The following CEACAM6 variants were observed in gnomAD, a reference collection of about 807,000 sequenced individuals.
CEACAM6 encodes cell adhesion molecule CEACAM6.
CEACAM6 carries 21 observed loss-of-function variants against 32.4 expected under a neutral mutation model. The observed-to-expected ratio is 0.65, with a 90% CI of 0.46 to 0.93. The LOEUF is 0.93. Among genes scored for constraint, CEACAM6 ranks in the 40% least tolerant of loss-of-function variants. The pLI is 0.00. For missense variants in CEACAM6, 406 were observed against 432.2 expected (o/e 0.94, Z 0.54); for synonymous variants, 184 against 174.4 (o/e 1.06, Z -0.43).
chr19:41,762,783 C>G (rs1198778151), intron 4 of CEACAM6, among the ~76,000 whole-genome samples: 4 of 152,208 alleles, frequency 2.6e-5, no homozygotes, highest in Admixed American at 2.6e-4. Flanking sequence ...GGAACCAGGG[C>G]ATATGGAGAA....
intron 2 of CEACAM6, 93 bp downstream of exon 2, chr19:41,757,052 C>G: frequency 6.5e-7 from 1 of 1,527,770 alleles, no homozygotes; most frequent in South Asian, 1.3e-5. Flanking sequence ...GTGGCCCTCT[C>G]TGCATTACAT....
rs1555821178 is a variant in CEACAM6 at position 41,756,817 on chromosome 19, A to G, written c.282A>G (p.Ala94=). 5.6e-6 allele frequency: 9 copies of G among 1,614,012 alleles called. No individual in the cohort carries two copies. The highest frequency in any genetic ancestry group is 6.8e-6 in the Non-Finnish European group (8 of 1,180,030). The part of the protein sequence containing the change: ...IGTQQATPGP[A]YSGRETIYPN... ...CTCAACAAGCTACCCCAGGGCCCGC[A>G]TACAGTGGTCGAGAGACAATATACC... Residue 94 remains alanine (A), a synonymous_variant, in exon 2 of 6, where the codon GCA becomes GCG. Coordinates refer to ENST00000199764, the MANE Select transcript of CEACAM6 (RefSeq NM_002483.7).
intron 2 of CEACAM6, 64 bp downstream of exon 2, chr19:41,757,023 T>G: frequency 1.3e-6 from 2 of 1,554,780 alleles, no homozygotes; most frequent in Non-Finnish European, 8.7e-7. Context: ...TACGGGATTG[T>G]CAGGCCTGGG....
chr19:41,764,583 C>T (rs541291587), intron 4 of CEACAM6, among the ~76,000 whole-genome samples: 19 of 152,290 alleles, frequency 1.2e-4, no homozygotes, highest in East Asian at 1.9e-4. Flanking sequence ...AGCCACCATG[C>T]CCCCATTTTC....
At chr19:41,769,282 T>C (rs1051951457) in intron 5 of CEACAM6, among the ~76,000 whole-genome samples, 1 of 152,192 alleles carries the variant, frequency 6.6e-6, no homozygotes, top group African/African-American at 2.4e-5. Context: ...TTAAAGCATT[T>C]GCAATCAGCT....
At chr19:41,761,623 A>C in intron 3 of CEACAM6, 96 bp downstream of exon 3, 2 of 1,564,714 alleles carry the variant, frequency 1.3e-6, no homozygotes, top group South Asian at 2.4e-5. Flanking sequence ...CTAAGGACTC[A>C]GACCCTCACC....
intron 2 of CEACAM6, among the ~76,000 whole-genome samples, chr19:41,760,105 A>C (rs1263884513): frequency 6.6e-6 from 1 of 152,210 alleles, no homozygotes; most frequent in Non-Finnish European, 1.5e-5. Context: ...CAAGCTGTAC[A>C]GCAAATCTCT....
At chr19:41,765,679 C>A (rs1555822325) in intron 4 of CEACAM6, among the ~76,000 whole-genome samples, 1 of 152,180 alleles carries the variant, frequency 6.6e-6, no homozygotes, top group South Asian at 2.1e-4. Context: ...AGTCCTTGAA[C>A]CCCTCACCCA....
At chr19:41,769,749 AATT>A (rs1310166547) in intron 5 of CEACAM6, among the ~76,000 whole-genome samples, 3 of 148,952 alleles carry the variant, frequency 2.0e-5, no homozygotes, top group East Asian at 1.9e-4. Context: ...GTTATAAAAT[AATT>A]ATTATTGATA....
In CEACAM6 at chr19:41,771,307, T is replaced by C. The variant is rs1245521270; in HGVS notation, c.*546T>C. On this transcript the variant is annotated 3_prime_UTR_variant, in exon 6 of 6. Transcript: ENST00000199764. ...CACAGCCGTGTGTTCAAATGTACAG[T>C]GGTCCTTTTCAGAGTTGGACTTCTA... 2 of 152,182 alleles carry C rather than the reference T, an allele frequency of 1.3e-5. No individual in the cohort carries two copies. The highest frequency in any genetic ancestry group is 4.8e-5 in the African/African-American group (2 of 41,458). The allele number at this position is 152,182 out of a possible 1,614,324, so 9.4% of individuals were successfully genotyped here.
intron 1 of CEACAM6, 22 bp from the exon 2 acceptor site, chr19:41,756,578 G>T (rs782665200): frequency 2.5e-6 from 4 of 1,606,128 alleles, no homozygotes; most frequent in Non-Finnish European, 3.4e-6. Flanking sequence ...AATATTGACC[G>T]ATGCTCTCTC....
At chr19:41,768,253 G>A (rs1038560772) in intron 5 of CEACAM6, among the ~76,000 whole-genome samples, 2 of 152,188 alleles carry the variant, frequency 1.3e-5, no homozygotes, top group African/African-American at 4.8e-5. Flanking sequence ...GCGGCCTTCC[G>A]CAGTGTTTGT....
Position 41,761,249 on chromosome 19 carries a change from C to G in CEACAM6, c.425C>G (p.Pro142Arg), listed in dbSNP as rs782483457. The change falls in exon 3 of 6, where the codon CCG (proline) becomes CGG (arginine). Residue 142 changes from proline to arginine, a missense_variant and splice_region_variant. By Grantham distance (103) the Pro-to-Arg change is moderately radical. Coordinates refer to ENST00000199764, the MANE Select transcript of CEACAM6 (RefSeq NM_002483.7). The part of the protein sequence containing the change: ...EEATGQFHVY[P>R]ELPKPSISSN... ...AATCTTCTCTCTGTTTTCTGCACAG[C>G]GGAGCTGCCCAAGCCCTCCATCTCC... 6.2e-7 allele frequency: 1 copy of G among 1,614,054 alleles called. No individual in the cohort carries two copies. Among genetic ancestry groups the G allele is most frequent in the African/African-American group, 1.3e-5 (1 of 74,924 alleles).
At position 41,756,648 on chromosome 19, in the gene CEACAM6, T is replaced by C. The variant is rs200646211; in HGVS notation, c.113T>C (p.Ile38Thr). 70 of 1,613,976 alleles carry C rather than the reference T, an allele frequency of 4.3e-5. No homozygotes were observed. Among genetic ancestry groups the C allele is most frequent in the East Asian group, 2.0e-4 (9 of 44,890 alleles). Reference sequence around the variant, plus strand: ...CCACCCACCACTGCCAAGCTCACTATTGAATCCACGCCGTTCAATGTCGCA... The same window carrying C: ...CCACCCACCACTGCCAAGCTCACTACTGAATCCACGCCGTTCAATGTCGCA... ...WNPPTTAKLT[I>T]ESTPFNVAEG... is the part of the protein sequence containing the mutation. The change falls in exon 2 of 6, where the codon ATT becomes ACT. Residue 38 changes from isoleucine (I) to threonine (T), a missense_variant. Ile to Thr is a moderately conservative substitution (Grantham distance 89). Transcript: ENST00000199764.
chr19:41,766,249 C>A lies in CEACAM6; in HGVS notation c.1025C>A (p.Ala342Asp). The change falls in exon 5 of 6, where the codon GCT becomes GAT. Residue 342 changes from alanine (A) to aspartate (D), a missense_variant. Coordinates refer to ENST00000199764, the MANE Select transcript of CEACAM6 (RefSeq NM_002483.7). ...ACGATTGGAGTGCTGGCCAGGGTGG[C>A]TCTGATATAGCAGCCCTGGTGTATT... ...GITIGVLARV[A>D]LI The A allele has an allele frequency of 6.3e-7, 1 of 1,599,436 alleles. No individual in the cohort carries two copies. The highest frequency in any genetic ancestry group is 8.5e-7 in the Non-Finnish European group (1 of 1,173,886).
intron 4 of CEACAM6, among the ~76,000 whole-genome samples, chr19:41,763,352 C>T (rs2072938050): frequency 6.6e-6 from 1 of 152,160 alleles, no homozygotes; most frequent in African/African-American, 2.4e-5. Flanking sequence ...CCCATCATCA[C>T]CCATCTCCAG....
chr19:41,755,904 T>A (rs1428772637), intron 1 of CEACAM6, among the ~76,000 whole-genome samples: 1 of 152,044 alleles, frequency 6.6e-6, no homozygotes, highest in East Asian at 1.9e-4. Flanking sequence ...AATCAATTGA[T>A]CATGTTTTCC....
At chr19:41,769,873 T>C in intron 5 of CEACAM6, among the ~76,000 whole-genome samples, 2 of 148,650 alleles carry the variant, frequency 1.3e-5, no homozygotes, top group South Asian at 4.2e-4. Flanking sequence ...TATTATATAA[T>C]AAATATAATA....
At chr19:41,765,969 A>G (rs1162529642) in intron 4 of CEACAM6, among the ~76,000 whole-genome samples, 2 of 152,234 alleles carry the variant, frequency 1.3e-5, no homozygotes, top group African/African-American at 4.8e-5. Context: ...AGCCTTCAAA[A>G]ATGTCTGAGT....
Sources: gnomAD v4.1 joint callset for allele counts (sites outside exome capture counted in the v4.1 genomes callset) on GRCh38, gnomAD v4.1.1 for gene constraint, MANE v1.5 for transcripts, NCBI Gene and HGNC (gene_info 2026-07-23, HGNC 2026-07-21) for gene names.